The following LRMDA variants were observed in gnomAD, a reference collection of about 807,000 sequenced individuals.
LRMDA encodes the protein leucine rich melanocyte differentiation associated.
A neutral mutation model predicts 29.8 loss-of-function variants in LRMDA; 18 were observed. The observed-to-expected ratio is 0.60, with a 90% confidence interval of 0.42 to 0.90. LRMDA has a LOEUF of 0.90. Among genes scored for constraint, LRMDA ranks in the 40% least tolerant of loss-of-function variants. LRMDA has a pLI of 0.00. For synonymous variants in LRMDA, 125 were observed against 109.4 expected, an observed-to-expected ratio of 1.14 and a Z score of -0.89; for missense variants, 273 against 273.9, an observed-to-expected ratio of 1.00 and a Z score of 0.02.
chr10:76,286,018 A>G (rs185576529), intron 5 of LRMDA, among the ~76,000 whole-genome samples: 304 of 152,280 alleles, frequency 2.0e-3, no homozygotes, highest in Admixed American at 5.9e-3. Flanking sequence ...TTCATCCCAG[A>G]CAAAGTCTGT....
intron 6 of LRMDA, among the ~76,000 whole-genome samples, chr10:76,529,947 G>A (rs1240808136): frequency 6.6e-6 from 1 of 152,110 alleles, no homozygotes; most frequent in Non-Finnish European, 1.5e-5. Context: ...ATTTTCCAAA[G>A]AGAAAGTCTT....
chr10:76,093,183 G>A (rs1003269667), intron 5 of LRMDA, among the ~76,000 whole-genome samples: 6 of 151,904 alleles, frequency 3.9e-5, no homozygotes, highest in South Asian at 4.2e-4. Context: ...GATTACAGGC[G>A]CCCGCCACCA....
chr10:76,280,712 A>G (rs935633403), intron 5 of LRMDA, among the ~76,000 whole-genome samples: 9 of 152,108 alleles, frequency 5.9e-5, no homozygotes, highest in Admixed American at 4.6e-4. Context: ...ATTGATTATC[A>G]TGGTACAGTA....
intron 2 of LRMDA, among the ~76,000 whole-genome samples, chr10:75,565,201 C>T (rs1400344103): frequency 6.6e-6 from 1 of 152,168 alleles, no homozygotes; most frequent in East Asian, 1.9e-4. Flanking sequence ...CTTGGCAGGT[C>T]GGAGGTTCTT....
chr10:76,272,261 A>T (rs1840077286), intron 5 of LRMDA, among the ~76,000 whole-genome samples: 1 of 152,206 alleles, frequency 6.6e-6, no homozygotes, highest in Admixed American at 6.5e-5. Context: ...ATATATGGAC[A>T]CATTGGTAAA....
intron 5 of LRMDA, among the ~76,000 whole-genome samples, chr10:76,177,705 A>T (rs936346499): frequency 6.6e-6 from 1 of 152,280 alleles, no homozygotes; most frequent in African/African-American, 2.4e-5. Flanking sequence ...ATAAAAATAT[A>T]TTGAGAGACC....
At chr10:75,830,629 A>G (rs1249421500) in intron 2 of LRMDA, among the ~76,000 whole-genome samples, 1 of 152,172 alleles carries the variant, frequency 6.6e-6, no homozygotes, top group Non-Finnish European at 1.5e-5. Flanking sequence ...ACAATATGGG[A>G]AAGACCTGCC....
At chr10:75,827,234 C>T (rs567254228) in intron 2 of LRMDA, among the ~76,000 whole-genome samples, 52 of 152,204 alleles carry the variant, frequency 3.4e-4, no homozygotes, top group African/African-American at 1.2e-3. Context: ...TGGGGTGGCA[C>T]GGCTGCTTCT....
At chr10:75,727,316 T>C (rs1842642987) in intron 2 of LRMDA, among the ~76,000 whole-genome samples, 1 of 152,194 alleles carries the variant, frequency 6.6e-6, no homozygotes, top group Non-Finnish European at 1.5e-5. Flanking sequence ...TATGTGTGTT[T>C]GGGTAGCTGA....
intron 5 of LRMDA, among the ~76,000 whole-genome samples, chr10:76,110,966 C>G (rs1849568560): frequency 6.6e-6 from 1 of 152,152 alleles, no homozygotes; most frequent in Non-Finnish European, 1.5e-5. Context: ...TCCCTACCCC[C>G]TACTCATCTA....
intron 6 of LRMDA, among the ~76,000 whole-genome samples, chr10:76,550,990 C>T (rs897327756): frequency 6.6e-5 from 10 of 152,226 alleles, no homozygotes; most frequent in African/African-American, 2.2e-4. Flanking sequence ...ATTGCTCCAG[C>T]TACTTCTCAA....
At chr10:75,880,780 C>T (rs1477256402) in intron 2 of LRMDA, among the ~76,000 whole-genome samples, 1 of 152,198 alleles carries the variant, frequency 6.6e-6, no homozygotes, top group African/African-American at 2.4e-5. Context: ...GATCCATGTT[C>T]TTCCTGCAAG....
chr10:76,096,582 T>C (rs1849315036), intron 5 of LRMDA, among the ~76,000 whole-genome samples: 1 of 152,124 alleles, frequency 6.6e-6, no homozygotes, highest in African/African-American at 2.4e-5. Context: ...CAAATTATTT[T>C]GGGTATTCTA....
In LRMDA at chr10:75,787,054, C is replaced by T. The variant is rs558668150; in HGVS notation, c.132-248954C>T. ...CCACTAGATTTGTCTGTGCTGTCGC[C>T]AAGGACTTAACCACCAGGTTGCTGT... is the stretch of plus-strand genomic sequence containing the variant. On this transcript the variant is annotated intron_variant, in intron 2 of 6. Transcript: ENST00000611255. 1.2e-4 allele frequency among the ~76,000 whole-genome samples: 19 copies of T among 152,340 alleles called. No homozygotes were observed. In the East Asian group the frequency reaches 3.7e-3, roughly 29 times the overall value.
chr10:76,342,023 G>A (rs1333809199), intron 6 of LRMDA, among the ~76,000 whole-genome samples: 1 of 152,186 alleles, frequency 6.6e-6, no homozygotes, highest in Non-Finnish European at 1.5e-5. Flanking sequence ...GGAAGAGCAT[G>A]TGGGACCAGA....
chr10:76,244,301 C>T (rs1049935404), intron 5 of LRMDA, among the ~76,000 whole-genome samples: 1 of 152,150 alleles, frequency 6.6e-6, no homozygotes, highest in Non-Finnish European at 1.5e-5. Flanking sequence ...GATTCCTTCT[C>T]CCATCACCTC....
rs554887355 is a variant in LRMDA, at chr10:75,456,350, C to G, written c.131+17856C>G. ...AGGCCCTGTGGGCTGGCTCTGTGCT[C>G]GTTCAGAAGGGGAGGAACCAAAACT... On this transcript the variant is annotated intron_variant, in intron 2 of 6. Coordinates refer to ENST00000611255, the MANE Select transcript of LRMDA (RefSeq NM_001305581.2). 7.9e-5 allele frequency among the ~76,000 whole-genome samples: 12 copies of G among 152,366 alleles called. No homozygotes were observed. The East Asian group carries it at 9.7e-4, about 12-fold the overall frequency.
intron 6 of LRMDA, among the ~76,000 whole-genome samples, chr10:76,363,262 G>A (rs192538653): frequency 1.5e-4 from 9 of 60,364 alleles, no homozygotes; most frequent in South Asian, 9.2e-4. Flanking sequence ...AAAGAAGGAA[G>A]GAAGGAAGGA....
intron 4 of LRMDA, among the ~76,000 whole-genome samples, chr10:76,052,874 C>T (rs1047853107): frequency 1.3e-5 from 2 of 152,282 alleles, no homozygotes; most frequent in Middle Eastern, 3.4e-3. Flanking sequence ...CCCTAGCCAC[C>T]TTGAGAAGGT....
Sources: gnomAD v4.1 joint callset for allele counts (sites outside exome capture counted in the v4.1 genomes callset) on GRCh38, gnomAD v4.1.1 for gene constraint, MANE v1.5 for transcripts, NCBI Gene and HGNC (gene_info 2026-07-23, HGNC 2026-07-21) for gene names.